ERLIN1: variants seen among roughly 807,000 people sequenced by gnomAD.
ERLIN1 encodes ER lipid raft associated 1, also known as erlin-1.
Under a neutral mutation model 46.9 loss-of-function variants are expected in ERLIN1, and 24 were observed. The observed-to-expected ratio is 0.51, with a 90% CI of 0.37 to 0.72. The LOEUF is 0.72. Among genes scored for constraint, ERLIN1 ranks in the 30% least tolerant of loss-of-function variants. The pLI, the probability that ERLIN1 is intolerant of heterozygous loss-of-function variation, is 0.00. For synonymous variants in ERLIN1, 158 were observed against 143.2 expected, an observed-to-expected ratio of 1.10 and a Z score of -0.74; for missense variants, 293 against 417.9, an observed-to-expected ratio of 0.70 and a Z score of 2.61.
Position 100,185,974 on chromosome 10 carries a change from CA to C in ERLIN1, c.-349del, listed in dbSNP as rs928158062. On this transcript the variant is annotated 5_prime_UTR_variant, in exon 1 of 11. The change abolishes an upstream ATG in the 5' untranslated region. Coordinates refer to ENST00000421367, the MANE Select transcript of ERLIN1 (RefSeq NM_006459.4). ...GGCCGCGCCTCACCGATCAGTGACG[CA>C]TCGCCCCCGCCCGCACGTGCAGCCG... 1 of 446,372 alleles carries C rather than the reference CA, an allele frequency of 2.2e-6. No individual in the cohort carries two copies. Among genetic ancestry groups the C allele is most frequent in the African/African-American group, 2.0e-5 (1 of 49,016 alleles). The allele number at this position is 446,372 out of a possible 1,614,324, so 27.7% of individuals were successfully genotyped here. A position where few individuals can be genotyped will look rare whatever the true frequency, so the allele number is the denominator to read the frequency against.
In ERLIN1 at chr10:100,155,294, C is replaced by T. The variant is rs114804218; in HGVS notation, c.746-355G>A. ...CTCTATTTACTGCATTGTCTCCAGC[C>T]CCCCCCCAAATTTCATCCAGAATCA... On this transcript the variant is annotated intron_variant, in intron 9 of 10. Transcript: ENST00000421367. Among the ~76,000 whole-genome samples the T allele has an allele frequency of 4.2e-3, 634 of 151,086 alleles. 4 individuals are homozygous for T. The highest frequency in any genetic ancestry group is 6.6e-3 in the Non-Finnish European group (444 of 67,678).
chr10:100,179,171 G>T, intron 3 of ERLIN1, 30 bp downstream of exon 3: 1 of 1,557,940 alleles, frequency 6.4e-7, no homozygotes, highest in South Asian at 1.2e-5. Context: ...CTGAGCTAAA[G>T]GGAGGCTCGT....
chr10:100,168,043 C>T (rs982826638), intron 6 of ERLIN1, among the ~76,000 whole-genome samples: 1 of 152,202 alleles, frequency 6.6e-6, no homozygotes, highest in African/African-American at 2.4e-5. Flanking sequence ...CACTTTGTTT[C>T]CCTAATCATA....
Position 100,183,776 on chromosome 10 carries a change from T to C in ERLIN1, c.175A>G (p.Thr59Ala), listed in dbSNP as rs1844797254. Residue 59 changes from threonine to alanine, a missense_variant, in exon 2 of 11, where the codon ACT becomes GCT. Coordinates refer to ENST00000421367, the MANE Select transcript of ERLIN1 (RefSeq NM_006459.4). ...PGYHIMLPFI[T>A]TFRSVQTTLQ... ...CTCACCTGCACAGATCTGAACGTAG[T>C]AATGAAAGGCAACATGATATGATAG... 6.2e-7 allele frequency: 1 copy of C among 1,613,130 alleles called. No individual in the cohort carries two copies. Among genetic ancestry groups the C allele is most frequent in the Non-Finnish European group, 8.5e-7 (1 of 1,179,164 alleles).
At chr10:100,180,935 G>A (rs1844607119) in intron 2 of ERLIN1, among the ~76,000 whole-genome samples, 1 of 152,020 alleles carries the variant, frequency 6.6e-6, no homozygotes, top group South Asian at 2.1e-4. Context: ...TAATAGAGGA[G>A]GTATCTGATA....
At chr10:100,182,335 G>A (rs865868598) in intron 2 of ERLIN1, among the ~76,000 whole-genome samples, 6 of 151,938 alleles carry the variant, frequency 3.9e-5, no homozygotes, top group African/African-American at 1.5e-4. Context: ...GGGCCTTAGA[G>A]TCTTGATTTT....
intron 6 of ERLIN1, among the ~76,000 whole-genome samples, chr10:100,173,151 A>C (rs1844098502): frequency 6.6e-6 from 1 of 152,212 alleles, no homozygotes; most frequent in African/African-American, 2.4e-5. Flanking sequence ...AATCACAGTG[A>C]GCGCACACTC....
chr10:100,183,955 T>C (rs1192509425), intron 1 of ERLIN1, 118 bp from the exon 2 acceptor site: 2 of 668,756 alleles, frequency 3.0e-6, no homozygotes. Flanking sequence ...AAAGCCTCAC[T>C]AATATGAATT....
intron 2 of ERLIN1, among the ~76,000 whole-genome samples, chr10:100,180,493 G>A (rs1440724005): frequency 6.6e-6 from 1 of 152,206 alleles, no homozygotes; most frequent in Non-Finnish European, 1.5e-5. Flanking sequence ...CTGAGGTGAA[G>A]GATTTATAAG....
rs376644598 is a variant in ERLIN1, at chr10:100,185,674, T to G, written c.-48A>C. ...AGAAAAGGACCCTCAGTCCCGTGAG[T>G]GACAGGTCCACCCCCTCCAGTTTCT... On this transcript the variant is annotated 5_prime_UTR_variant, in exon 1 of 11. Transcript: ENST00000421367. 1.4e-5 allele frequency: 20 copies of G among 1,476,458 alleles called. No homozygotes were observed. The highest frequency in any genetic ancestry group is 1.7e-5 in the Non-Finnish European group (18 of 1,055,178). The allele number at this position is 1,476,458 out of a possible 1,614,324, so 91.5% of individuals were successfully genotyped here. A position where few individuals can be genotyped will look rare whatever the true frequency, so the allele number is the denominator to read the frequency against.
intron 8 of ERLIN1, among the ~76,000 whole-genome samples, chr10:100,156,893 T>C (rs1302281334): frequency 6.6e-6 from 1 of 152,156 alleles, no homozygotes; most frequent in East Asian, 1.9e-4. Flanking sequence ...TGCGTGCCTA[T>C]AGTCCCAGCT....
chr10:100,158,950 G>A (rs997965456), intron 8 of ERLIN1, among the ~76,000 whole-genome samples: 8 of 152,048 alleles, frequency 5.3e-5, no homozygotes, highest in Non-Finnish European at 1.2e-4. Context: ...AAATATAGCA[G>A]TAACCACAAT....
chr10:100,153,500 G>A (rs1842913001), intron 10 of ERLIN1, among the ~76,000 whole-genome samples: 1 of 152,056 alleles, frequency 6.6e-6, no homozygotes, highest in African/African-American at 2.4e-5. Flanking sequence ...TTGAGTCCTG[G>A]CCTGTCCCCC....
At chr10:100,164,845 T>C (rs1843545481) in intron 7 of ERLIN1, among the ~76,000 whole-genome samples, 1 of 151,954 alleles carries the variant, frequency 6.6e-6, no homozygotes, top group African/African-American at 2.4e-5. Context: ...TATAGGTGTA[T>C]ATGGGACATA....
Position 100,175,924 on chromosome 10 carries a change from CATAAGA to C in ERLIN1, c.430+15_430+20del. ...AGATTTCCAATTGGCTATTTACATA[CATAAGA>C]ATTAAGACACTTACCAAACAATTCA... On this transcript the variant is annotated intron_variant, in intron 5 of 10. Coordinates refer to ENST00000421367, the MANE Select transcript of ERLIN1 (RefSeq NM_006459.4). 6.2e-7 allele frequency: 1 copy of C among 1,608,054 alleles called. No homozygotes were observed. The highest frequency in any genetic ancestry group is 8.5e-7 in the Non-Finnish European group (1 of 1,176,342).
intron 8 of ERLIN1, 134 bp from the exon 9 acceptor site, chr10:100,156,368 C>G (rs1843081812): frequency 1.6e-6 from 1 of 626,084 alleles, no homozygotes; most frequent in South Asian, 1.9e-5. Context: ...TAAGTTTTAT[C>G]TAGTCAGACT....
At position 100,176,081 on chromosome 10, in the gene ERLIN1, G is replaced by A; in HGVS notation, c.305-11C>T. The A allele has an allele frequency of 6.2e-7, 1 of 1,603,556 alleles. No homozygotes were observed. The highest frequency in any genetic ancestry group is 8.5e-7 in the Non-Finnish European group (1 of 1,174,644). The stretch of plus-strand genomic sequence containing the variant: ...TCACGATATCAAACACTGAAGGAGA[G>A]GTACAACCCATGTTTGTTTTACCCA... On this transcript the variant is annotated splice_polypyrimidine_tract_variant and intron_variant, in intron 4 of 10. Coordinates refer to ENST00000421367, the MANE Select transcript of ERLIN1 (RefSeq NM_006459.4).
chr10:100,156,329 C>T (rs1419342752), intron 8 of ERLIN1, 95 bp from the exon 9 acceptor site: 8 of 744,972 alleles, frequency 1.1e-5, no homozygotes, highest in African/African-American at 1.7e-5. Context: ...CATTTAATTA[C>T]AGAAAGTTTT....
chr10:100,160,888 A>G (rs559187639), intron 8 of ERLIN1, among the ~76,000 whole-genome samples: 3 of 152,230 alleles, frequency 2.0e-5, no homozygotes, highest in Admixed American at 6.5e-5. Context: ...CTGAGGCTGC[A>G]GTGAACTGTG....
Sources: gnomAD v4.1 joint callset for allele counts (sites outside exome capture counted in the v4.1 genomes callset) on GRCh38, gnomAD v4.1.1 for gene constraint, MANE v1.5 for transcripts, NCBI Gene and HGNC (gene_info 2026-07-23, HGNC 2026-07-21) for gene names.